The following MGMT variants were observed in gnomAD, a reference collection of about 807,000 sequenced individuals.
The protein encoded by MGMT is O-6-methylguanine-DNA methyltransferase.
MGMT carries 14 observed loss-of-function variants against 15.9 expected under a neutral mutation model. The observed-to-expected ratio is 0.88, with a 90% CI of 0.58 to 1.37. The LOEUF (loss-of-function observed/expected upper bound fraction) is 1.37, where lower values mean the gene tolerates loss of function less well. Ranked by LOEUF, MGMT falls within the 40% of genes most tolerant of loss-of-function variation. The pLI, the probability that MGMT is intolerant of heterozygous loss-of-function variation, is 0.00. For missense variants in MGMT, 282 were observed against 268.1 expected (o/e 1.05, Z -0.36); for synonymous variants, 130 against 118.2 (o/e 1.10, Z -0.65).
chr10:129,733,935 C>A (rs1253977426), intron 3 of MGMT, among the ~76,000 whole-genome samples: 1 of 151,878 alleles, frequency 6.6e-6, no homozygotes, highest in Admixed American at 6.6e-5. Context: ...GTTTTGGTAC[C>A]AGTACCATGC....
intron 3 of MGMT, among the ~76,000 whole-genome samples, chr10:129,708,930 G>T (rs1474078810): frequency 6.6e-6 from 1 of 152,208 alleles, no homozygotes; most frequent in Non-Finnish European, 1.5e-5. Flanking sequence ...AAACAAACTT[G>T]AAAATGGAGA....
At chr10:129,760,090 G>A (rs1254233835) in intron 4 of MGMT, among the ~76,000 whole-genome samples, 1 of 152,254 alleles carries the variant, frequency 6.6e-6, no homozygotes, top group Non-Finnish European at 1.5e-5. Flanking sequence ...CAGCATGGGT[G>A]GGGCAGCGTG....
At chr10:129,558,648 T>C (rs1004810432) in intron 2 of MGMT, among the ~76,000 whole-genome samples, 1 of 152,106 alleles carries the variant, frequency 6.6e-6, no homozygotes, top group Non-Finnish European at 1.5e-5. Flanking sequence ...GGTATTACAG[T>C]CTTTGTTGTG....
Position 129,759,335 on chromosome 10 carries a change from C to T in MGMT, c.408C>T (p.Gly136=), listed in dbSNP as rs1289908564. The change falls in exon 4 of 5, where the codon GGC becomes GGT. Residue 136 remains glycine, a synonymous_variant. Coordinates refer to ENST00000651593, the MANE Select transcript of MGMT (RefSeq NM_002412.5). The part of the protein sequence containing the change: ...AARAVGGAMR[G]NPVPILIPCH... ...GAGCAGTGGGAGGAGCAATGAGAGG[C>T]AATCCTGTGAGTTCTCATGGCGCAA... The T allele has an allele frequency of 1.2e-6, 2 of 1,614,176 alleles. No homozygotes were observed. Among genetic ancestry groups the T allele is most frequent in the South Asian group, 2.2e-5 (2 of 91,078 alleles).
intron 2 of MGMT, among the ~76,000 whole-genome samples, chr10:129,572,642 C>T (rs1846433588): frequency 6.6e-6 from 1 of 152,184 alleles, no homozygotes; most frequent in Non-Finnish European, 1.5e-5. Context: ...TAAACTATGA[C>T]AAATTAATTC....
At chr10:129,759,384 G>T (rs377566544) in intron 4 of MGMT, 43 bp downstream of exon 4, 2 of 1,612,542 alleles carry the variant, frequency 1.2e-6, no homozygotes. Flanking sequence ...TGGCGGGTGC[G>T]TGCAGGTGGC....
chr10:129,570,468 C>T (rs80338422), intron 2 of MGMT, among the ~76,000 whole-genome samples: 4 of 152,228 alleles, frequency 2.6e-5, no homozygotes, highest in African/African-American at 7.2e-5. Flanking sequence ...CCGGGTCATC[C>T]GGAGAGGGAC....
chr10:129,659,078 C>T lies in MGMT; in HGVS notation c.126-48817C>T, dbSNP rs1177281054. ...TGTTGTTTCAGAAGATACTCAAGGC[C>T]GGGTGCAGTGGCTCACACCTGTAAT... On this transcript the variant is annotated intron_variant, in intron 2 of 4. Coordinates refer to ENST00000651593, the MANE Select transcript of MGMT (RefSeq NM_002412.5). This position sits in a 1 kb window ranked among gnomAD's most constrained non-coding sequence, Gnocchi z 4.1. Among the ~76,000 whole-genome samples, 4 of 152,076 alleles carry T rather than the reference C, an allele frequency of 2.6e-5. No individual in the cohort carries two copies. Among genetic ancestry groups the T allele is most frequent in the Admixed American group, 6.6e-5 (1 of 15,266 alleles).
chr10:129,727,783 G>C (rs1057422127), intron 3 of MGMT, among the ~76,000 whole-genome samples: 1 of 152,318 alleles, frequency 6.6e-6, no homozygotes, highest in East Asian at 1.9e-4. Context: ...GAGGAGCCCC[G>C]GGTAAGCCAG....
intron 2 of MGMT, among the ~76,000 whole-genome samples, chr10:129,695,923 A>G (rs1484583271): frequency 6.6e-6 from 1 of 152,136 alleles, no homozygotes; most frequent in Non-Finnish European, 1.5e-5. Flanking sequence ...GTTCCATGTG[A>G]CAGCATGTGG....
intron 1 of MGMT, among the ~76,000 whole-genome samples, chr10:129,508,305 A>G (rs1845645746): frequency 6.6e-6 from 1 of 152,084 alleles, no homozygotes; most frequent in Non-Finnish European, 1.5e-5. Flanking sequence ...CCTAGAAGGT[A>G]TGGGTGAAGG....
In MGMT at chr10:129,498,415, C is replaced by T. The variant is rs183677677; in HGVS notation, c.-13+31119C>T. 4.7e-3 allele frequency among the ~76,000 whole-genome samples: 709 copies of T among 152,318 alleles called. 19 individuals carry two copies. The highest frequency in any genetic ancestry group is 0.042 in the Admixed American group (643 of 15,294). On this transcript the variant is annotated intron_variant, in intron 1 of 4. Coordinates refer to ENST00000651593, the MANE Select transcript of MGMT (RefSeq NM_002412.5). ...TGTGGCAGTTATTACTGTACTGTTT[C>T]CCTAATGTTTGTATTTCCCTCCTTC...
chr10:129,523,918 A>G (rs975200166), intron 1 of MGMT, among the ~76,000 whole-genome samples: 6 of 152,188 alleles, frequency 3.9e-5, no homozygotes, highest in African/African-American at 1.4e-4. Flanking sequence ...TTACCCTCCT[A>G]GAGACTGGCG....
intron 3 of MGMT, among the ~76,000 whole-genome samples, chr10:129,743,367 G>A (rs116268636): frequency 0.021 from 3,252 of 152,304 alleles, 53 homozygotes; most frequent in African/African-American, 0.048. Flanking sequence ...TCACGCATCC[G>A]TTTTCAGGAG....
At chr10:129,710,350 CTT>C (rs1848217864) in intron 3 of MGMT, among the ~76,000 whole-genome samples, 1 of 152,202 alleles carries the variant, frequency 6.6e-6, no homozygotes, top group Non-Finnish European at 1.5e-5. Flanking sequence ...ATCCTTCTCT[CTT>C]GGTGTTCTAG....
intron 2 of MGMT, among the ~76,000 whole-genome samples, chr10:129,569,618 G>C (rs1846394651): frequency 6.6e-6 from 1 of 152,144 alleles, no homozygotes; most frequent in Non-Finnish European, 1.5e-5. Flanking sequence ...CCAGTCATGA[G>C]GGGACCATGA....
intron 2 of MGMT, among the ~76,000 whole-genome samples, chr10:129,647,112 C>T (rs1172157204): frequency 6.6e-6 from 1 of 152,096 alleles, no homozygotes; most frequent in Non-Finnish European, 1.5e-5. Context: ...CCGGTAGCCC[C>T]CACGCCAAGT....
At chr10:129,628,306 G>A (rs1007903405) in intron 2 of MGMT, among the ~76,000 whole-genome samples, 2 of 152,186 alleles carry the variant, frequency 1.3e-5, no homozygotes, top group Non-Finnish European at 2.9e-5. Context: ...TATCATACAT[G>A]TTTTGGAAAA....
At chr10:129,729,021 C>T (rs1424489106) in intron 3 of MGMT, among the ~76,000 whole-genome samples, 1 of 152,088 alleles carries the variant, frequency 6.6e-6, no homozygotes, top group Non-Finnish European at 1.5e-5. Flanking sequence ...TCTCTAGTGA[C>T]CTTAGAAATC....
Sources: gnomAD v4.1 joint callset for allele counts (sites outside exome capture counted in the v4.1 genomes callset) on GRCh38, gnomAD v4.1.1 for gene constraint, Gnocchi (gnomAD v3.1) non-coding constraint, MANE v1.5 for transcripts, NCBI Gene and HGNC (gene_info 2026-07-23, HGNC 2026-07-21) for gene names.